Variants in PTPRK observed in about 807,000 individuals in gnomAD.
The protein encoded by PTPRK is protein tyrosine phosphatase receptor type K.
Under a neutral mutation model 178.0 loss-of-function variants are expected in PTPRK, and 75 were observed. That is an observed-to-expected ratio of 0.42 (90% CI 0.35 to 0.51). PTPRK has a LOEUF of 0.51. Among genes scored for constraint, PTPRK ranks in the 20% least tolerant of loss-of-function variants. The probability of loss-of-function intolerance (pLI) is 0.02; values close to 1 mark genes in which losing one functional copy is unlikely to be tolerated. For synonymous variants in PTPRK, 637 were observed against 620.6 expected (o/e 1.03, Z -0.39); for missense variants, 1,441 against 1,797.8 (o/e 0.80, Z 3.59).
chr6:128,232,373 A>G (rs7773849), intron 5 of PTPRK, among the ~76,000 whole-genome samples: 16,955 of 152,208 alleles, frequency 0.11, 1,943 homozygotes, highest in East Asian at 0.35. Context: ...ATAGAATCAC[A>G]TGTCAGGGCA....
chr6:128,333,838 C>T (rs1289105920), intron 2 of PTPRK, among the ~76,000 whole-genome samples: 1 of 152,180 alleles, frequency 6.6e-6, no homozygotes, highest in Non-Finnish European at 1.5e-5. Context: ...CAGCTATTGG[C>T]CTATCTCAGC....
chr6:128,067,898 C>A, intron 11 of PTPRK, 106 bp from the exon 12 acceptor site: 1 of 1,091,774 alleles, frequency 9.2e-7, no homozygotes, highest in Non-Finnish European at 1.2e-6. Context: ...CACCACATTT[C>A]AAAGTATTTA....
chr6:128,058,830 T>G (rs1780340779), intron 13 of PTPRK, among the ~76,000 whole-genome samples: 1 of 151,924 alleles, frequency 6.6e-6, no homozygotes, highest in African/African-American at 2.4e-5. Context: ...CTGTTATAAC[T>G]CTTATATGTA....
chr6:128,416,565 G>A (rs1482130450), intron 1 of PTPRK, among the ~76,000 whole-genome samples: 3 of 150,932 alleles, frequency 2.0e-5, no homozygotes, highest in Non-Finnish European at 3.0e-5. Context: ...GGAGAATGGC[G>A]TGAACCCGGG....
At chr6:128,006,056 C>A (rs2114708408) in intron 14 of PTPRK, 1 of 1,566,928 alleles carries the variant, frequency 6.4e-7, no homozygotes, top group East Asian at 2.3e-5. Context: ...GTAGCTCCTC[C>A]TGGCAAGCAA....
At chr6:128,093,171 A>G (rs977006564) in intron 7 of PTPRK, among the ~76,000 whole-genome samples, 1 of 152,162 alleles carries the variant, frequency 6.6e-6, no homozygotes, top group Non-Finnish European at 1.5e-5. Flanking sequence ...TCTTTTTTCA[A>G]ATCTTTATTG....
At chr6:128,279,914 G>T (rs553131665) in intron 3 of PTPRK, among the ~76,000 whole-genome samples, 8 of 152,140 alleles carry the variant, frequency 5.3e-5, no homozygotes, top group Admixed American at 2.0e-4. Flanking sequence ...CATCAGCCTG[G>T]AAAAGCCTAT....
At chr6:128,139,272 G>A (rs1583184485) in intron 7 of PTPRK, among the ~76,000 whole-genome samples, 1 of 151,958 alleles carries the variant, frequency 6.6e-6, no homozygotes, top group East Asian at 1.9e-4. Flanking sequence ...CTGAGTACAG[G>A]AATCAAGAAT....
chr6:128,190,490 CTTTTTTTTTTTTTT>C (rs34873441), intron 6 of PTPRK, among the ~76,000 whole-genome samples: 6 of 96,124 alleles, frequency 6.2e-5, no homozygotes, highest in Admixed American at 1.2e-4. Flanking sequence ...TGATAGATAC[CTTTTTTTTTTTTTT>C]TTTTTTTTTT....
At chr6:128,272,156 T>C (rs1819924849) in intron 3 of PTPRK, among the ~76,000 whole-genome samples, 1 of 152,124 alleles carries the variant, frequency 6.6e-6, no homozygotes, top group African/African-American at 2.4e-5. Flanking sequence ...GCTAGCCATA[T>C]GGAGAAAGCT....
intron 6 of PTPRK, among the ~76,000 whole-genome samples, chr6:128,202,565 C>T (rs527701285): frequency 6.6e-6 from 1 of 152,290 alleles, no homozygotes; most frequent in East Asian, 1.9e-4. Flanking sequence ...GAGGGCACTT[C>T]ACAAGTTAAG....
intron 7 of PTPRK, among the ~76,000 whole-genome samples, chr6:128,105,130 CTTTTTTT>C (rs1382748903): frequency 1.4e-5 from 2 of 140,758 alleles, no homozygotes; most frequent in Admixed American, 7.1e-5. Flanking sequence ...TCACTTATTT[CTTTTTTT>C]TTTTTTTTTC....
intron 7 of PTPRK, among the ~76,000 whole-genome samples, chr6:128,091,843 G>A (rs572820675): frequency 3.9e-4 from 60 of 152,034 alleles, no homozygotes; most frequent in Middle Eastern, 3.4e-3. Flanking sequence ...TATTTAGTCC[G>A]CACTTACTCT....
At chr6:128,390,117 A>G (rs1839343562) in intron 2 of PTPRK, among the ~76,000 whole-genome samples, 1 of 152,148 alleles carries the variant, frequency 6.6e-6, no homozygotes. Flanking sequence ...ACATTGAAAT[A>G]AGCCCATAAT....
chr6:128,002,695 A>T (rs1777975459), intron 15 of PTPRK, among the ~76,000 whole-genome samples: 1 of 151,930 alleles, frequency 6.6e-6, no homozygotes, highest in Non-Finnish European at 1.5e-5. Context: ...CCCCACATCA[A>T]GATTTTAGCA....
chr6:128,503,116 C>T (rs958450442), intron 1 of PTPRK, among the ~76,000 whole-genome samples: 1 of 152,174 alleles, frequency 6.6e-6, no homozygotes, highest in African/African-American at 2.4e-5. Context: ...ATCTCAGCTA[C>T]TCAGGAGGAT....
chr6:128,211,415 T>A (rs920686591), intron 6 of PTPRK, among the ~76,000 whole-genome samples: 2 of 152,150 alleles, frequency 1.3e-5, no homozygotes, highest in African/African-American at 2.4e-5. Context: ...TCAGATTATA[T>A]TATTTCCTAG....
chr6:128,093,487 G>T (rs73584673), intron 7 of PTPRK, among the ~76,000 whole-genome samples: 9,543 of 150,018 alleles, frequency 0.064, 400 homozygotes, highest in African/African-American at 0.11. Flanking sequence ...CCTGGTTACT[G>T]GGGAGGCTGG....
At chr6:127,981,440 T>C (rs945381734) in intron 24 of PTPRK, 151 bp from the exon 25 acceptor site, 17 of 639,970 alleles carry the variant, frequency 2.7e-5, no homozygotes, top group Non-Finnish European at 4.2e-5. Flanking sequence ...ATAGACCTTG[T>C]AGTTAAAGCT....
Sources: gnomAD v4.1 joint callset for allele counts (sites outside exome capture counted in the v4.1 genomes callset) on GRCh38, gnomAD v4.1.1 for gene constraint, MANE v1.5 for transcripts, NCBI Gene and HGNC (gene_info 2026-07-23, HGNC 2026-07-21) for gene names.